The following IFNL3 variants were observed in gnomAD, a reference collection of about 807,000 sequenced individuals.
The protein encoded by IFNL3 is interferon lambda-3.
Under a neutral mutation model 16.3 loss-of-function variants are expected in IFNL3, and 16 were observed. The observed-to-expected ratio is 0.98, with a 90% confidence interval of 0.67 to 1.50. The LOEUF (loss-of-function observed/expected upper bound fraction) is 1.50. Among genes scored for constraint, IFNL3 ranks in the 40% most tolerant of loss-of-function variants. The probability of loss-of-function intolerance (pLI) is 0.00; values close to 1 mark genes in which losing one functional copy is unlikely to be tolerated. For synonymous variants in IFNL3, 115 were observed against 115.3 expected (o/e 1.00, Z 0.02); for missense variants, 254 against 253.5 (o/e 1.00, Z -0.01).
At position 39,243,647 on chromosome 19, in the gene IFNL3, C is replaced by T. The variant is rs2074925223; in HGVS notation, c.576G>A (p.Gly192=). ...GGCGGAAGGGTCAGACACACAGGTC[C>T]CCGCTGGCAACACAATTCAGGTCTC... ...LTRDLNCVAS[G]DLCV The change falls in exon 5 of 5, where the codon GGG becomes GGA. Residue 192 remains glycine, a synonymous_variant. Coordinates refer to ENST00000413851, the MANE Select transcript of IFNL3 (RefSeq NM_172139.4). 2 of 1,600,356 alleles carry T rather than the reference C, an allele frequency of 1.2e-6. No homozygotes were observed. The highest frequency in any genetic ancestry group is 8.5e-7 in the Non-Finnish European group (1 of 1,173,572).
At position 39,244,065 on chromosome 19, in the gene IFNL3, A is replaced by G. The variant is rs573796380; in HGVS notation, c.351T>C (p.Asp117=). The part of the protein sequence containing the change: ...ATADTDPALG[D]VLDQPLHTLH... ...GGGTGTGAAGGGGCTGGTCCAAGAC[A>G]TCCCCCAGGGCTGGGTCAGTGTCAG... The change falls in exon 3 of 5, where the codon GAT becomes GAC. Residue 117 remains aspartate, a synonymous_variant. Transcript: ENST00000413851. 1.6e-4 allele frequency: 255 copies of G among 1,613,834 alleles called. No individual in the cohort carries two copies. In the East Asian group the frequency reaches 2.2e-3, roughly 14 times the overall value.
intron 2 of IFNL3, 83 bp downstream of exon 2, chr19:39,244,334 G>T: frequency 6.6e-7 from 1 of 1,508,704 alleles, no homozygotes; most frequent in Non-Finnish European, 9.0e-7. Context: ...AGGGACAATG[G>T]AGAAGGAGAA....
rs199817522 is a variant in IFNL3, at chr19:39,243,858, T to C, written c.458A>G (p.His153Arg). ...GGCCTCCTGGAGCCGGTGCAGCCAATGGTGGAGGCGGCCCCGGGTCCTGGG... is the reference window on the plus strand; with the variant it reads ...GGCCTCCTGGAGCCGGTGCAGCCAACGGTGGAGGCGGCCCCGGGTCCTGGG... ...AGPRTRGRLH[H>R]WLHRLQEAPK... The change falls in exon 4 of 5, where the codon CAT becomes CGT. Residue 153 changes from histidine to arginine, a missense_variant. Coordinates refer to ENST00000413851, the MANE Select transcript of IFNL3 (RefSeq NM_172139.4). 5.0e-6 allele frequency: 8 copies of C among 1,613,828 alleles called. No homozygotes were observed. The East Asian group carries it at 1.8e-4, about 36-fold the overall frequency.
At position 39,243,651 on chromosome 19, in the gene IFNL3, C is replaced by T; in HGVS notation, c.572G>A (p.Ser191Asn). ...GAAGGGTCAGACACACAGGTCCCCGCTGGCAACACAATTCAGGTCTCGCGT... is the reference window on the plus strand; with the variant it reads ...GAAGGGTCAGACACACAGGTCCCCGTTGGCAACACAATTCAGGTCTCGCGT... Reference protein sequence around the residue: ...LLTRDLNCVASGDLCV With the variant: ...LLTRDLNCVANGDLCV Residue 191 changes from serine (S) to asparagine (N), a missense_variant, in exon 5 of 5, where the codon AGC (serine) becomes AAC (asparagine). Transcript: ENST00000413851. The T allele has an allele frequency of 6.2e-7, 1 of 1,602,064 alleles. No individual in the cohort carries two copies. Among genetic ancestry groups the T allele is most frequent in the Non-Finnish European group, 8.5e-7 (1 of 1,174,468 alleles).
At chr19:39,243,964 G>A (rs375801248) in intron 3 of IFNL3, 44 bp downstream of exon 3, 14 of 1,611,832 alleles carry the variant, frequency 8.7e-6, no homozygotes, top group South Asian at 6.6e-5. Flanking sequence ...GAAGGACGCT[G>A]CTCAGAGCTC....
rs544442278 is a variant in IFNL3 at position 39,243,830 on chromosome 19, T to G, written c.486A>C (p.Pro162=). The change falls in exon 4 of 5, where the codon CCA becomes CCC. Residue 162 remains proline (P), a synonymous_variant. Transcript: ENST00000413851. ...CTCTTCCCGGGTCACTCACCTTTTT[T>G]GGGGCCTCCTGGAGCCGGTGCAGCC... ...HHWLHRLQEA[P]KKESPGCLEA... The G allele has an allele frequency of 5.6e-6, 9 of 1,613,758 alleles. No homozygotes were observed. Among genetic ancestry groups the G allele is most frequent in the East Asian group, 4.5e-5 (2 of 44,882 alleles).
rs756753837 is a variant in IFNL3, at chr19:39,243,876, G to A, written c.440C>T (p.Thr147Ile). Reference sequence around the variant, plus strand: ...CAGCCAATGGTGGAGGCGGCCCCGGGTCCTGGGCCCTGCCGTGGGCTGAGG... The same window carrying A: ...CAGCCAATGGTGGAGGCGGCCCCGGATCCTGGGCCCTGCCGTGGGCTGAGG... ...IQPQPTAGPR[T>I]RGRLHHWLHR... The change falls in exon 4 of 5, where the codon ACC becomes ATC. Residue 147 changes from threonine (T) to isoleucine (I), a missense_variant. Transcript: ENST00000413851. 3.7e-6 allele frequency: 6 copies of A among 1,613,658 alleles called. No individual in the cohort carries two copies. Among genetic ancestry groups the A allele is most frequent in the Non-Finnish European group, 4.2e-6 (5 of 1,179,994 alleles).
chr19:39,244,100 C>G lies in IFNL3; in HGVS notation c.316G>C (p.Glu106Gln). 3 of 1,614,190 alleles carry G rather than the reference C, an allele frequency of 1.9e-6. No homozygotes were observed. Among genetic ancestry groups the G allele is most frequent in the Non-Finnish European group, 2.5e-6 (3 of 1,180,042 alleles). Residue 106 changes from glutamate to glutamine, a missense_variant, in exon 3 of 5, where the codon GAG becomes CAG. Physicochemically the swap from Glu to Gln is conservative, Grantham distance 29. Coordinates refer to ENST00000413851, the MANE Select transcript of IFNL3 (RefSeq NM_172139.4). ...GCTGGGTCAGTGTCAGCGGTGGCCT[C>G]CAGAACCTTCAGCGTCAGGGCCAGC... is the stretch of plus-strand genomic sequence containing the variant. ...AELALTLKVL[E>Q]ATADTDPALG...
rs1399787048 is a variant in IFNL3, at chr19:39,243,645, T to A, written c.578A>T (p.Asp193Val). 1 of 1,598,668 alleles carries A rather than the reference T, an allele frequency of 6.3e-7. No individual in the cohort carries two copies. The highest frequency in any genetic ancestry group is 2.3e-5 in the East Asian group (1 of 44,236). Residue 193 changes from aspartate (D) to valine (V), a missense_variant, in exon 5 of 5, where the codon GAC becomes GTC. By Grantham distance (152) the Asp-to-Val change is radical. Coordinates refer to ENST00000413851, the MANE Select transcript of IFNL3 (RefSeq NM_172139.4). ...CTGGCGGAAGGGTCAGACACACAGG[T>A]CCCCGCTGGCAACACAATTCAGGTC... The part of the protein sequence containing the change: ...TRDLNCVASG[D>V]LCV
At position 39,243,580 on chromosome 19, in the gene IFNL3, C is replaced by A. The variant is rs4803217; in HGVS notation, c.*52G>T. On this transcript the variant is annotated 3_prime_UTR_variant, in exon 5 of 5. Coordinates refer to ENST00000413851, the MANE Select transcript of IFNL3 (RefSeq NM_172139.4). ...AGCGACTGGGTGACAATAAATTAAG[C>A]CAAGTGGCTAATTTATAAATAAAAT... 0.31 allele frequency: 469,424 copies of A among 1,529,100 alleles called. 78,205 individuals carry two copies. The highest frequency in any genetic ancestry group is 0.6 in the African/African-American group (43,612 of 72,542). The allele number at this position is 1,529,100 out of a possible 1,614,324, so 94.7% of individuals were successfully genotyped here.
chr19:39,244,348 G>T, intron 2 of IFNL3, 69 bp downstream of exon 2: 1 of 1,506,036 alleles, frequency 6.6e-7, no homozygotes, highest in East Asian at 2.4e-5. Flanking sequence ...AGGAGAAGGT[G>T]AAGGGGCCAC....
Position 39,244,106 on chromosome 19 carries a change from C to T in IFNL3, c.310G>A (p.Val104Ile). Residue 104 changes from valine (V) to isoleucine (I), a missense_variant, in exon 3 of 5, where the codon GTT becomes ATT. Transcript: ENST00000413851. ...LEAELALTLKVLEATADTDPA... is the reference protein window; with the variant it reads ...LEAELALTLKILEATADTDPA... ...TCAGTGTCAGCGGTGGCCTCCAGAA[C>T]CTTCAGCGTCAGGGCCAGCTCAGCC... 9 of 1,614,202 alleles carry T rather than the reference C, an allele frequency of 5.6e-6. No homozygotes were observed. The highest frequency in any genetic ancestry group is 7.6e-6 in the Non-Finnish European group (9 of 1,180,040).
At chr19:39,243,951 G>C (rs1166061803) in intron 3 of IFNL3, 44 bp from the exon 4 acceptor site, 1 of 1,611,768 alleles carries the variant, frequency 6.2e-7, no homozygotes, top group Non-Finnish European at 8.5e-7. Flanking sequence ...GCCTTGGCCA[G>C]GGGAAGGACG....
chr19:39,244,300 G>T (rs1438054157), intron 2 of IFNL3, 117 bp downstream of exon 2: 3 of 1,473,658 alleles, frequency 2.0e-6, no homozygotes, highest in East Asian at 2.3e-5. Flanking sequence ...GAGGGAAGGG[G>T]TAGCAGGTGT....
Position 39,244,309 on chromosome 19 carries a change from G to C in IFNL3, c.258+108C>G, listed in dbSNP as rs1454986249. ...GGAGCAGAGGGAAGGGGTAGCAGGTGTGGGGAGAGGAGAGAGGGACAATGG... is the reference window on the plus strand; with the variant it reads ...GGAGCAGAGGGAAGGGGTAGCAGGTCTGGGGAGAGGAGAGAGGGACAATGG... On this transcript the variant is annotated intron_variant, in intron 2 of 4. Transcript: ENST00000413851. The C allele has an allele frequency of 7.4e-6, 11 of 1,477,940 alleles. No individual in the cohort carries two copies. In the South Asian group the frequency reaches 1.3e-4, roughly 17 times the overall value. 91.6% of individuals were successfully genotyped at this position (1,477,940 alleles called of 1,614,324 possible).
Position 39,243,652 on chromosome 19 carries a change from T to A in IFNL3, c.571A>T (p.Ser191Cys). The A allele has an allele frequency of 6.2e-7, 1 of 1,602,600 alleles. No individual in the cohort carries two copies. Among genetic ancestry groups the A allele is most frequent in the Non-Finnish European group, 8.5e-7 (1 of 1,174,720 alleles). The change falls in exon 5 of 5, where the codon AGC (serine) becomes TGC (cysteine). Residue 191 changes from serine (S) to cysteine (C), a missense_variant. Physicochemically the swap from Ser to Cys is moderately radical, Grantham distance 112 (BLOSUM62 -1). Coordinates refer to ENST00000413851, the MANE Select transcript of IFNL3 (RefSeq NM_172139.4). ...AAGGGTCAGACACACAGGTCCCCGC[T>A]GGCAACACAATTCAGGTCTCGCGTG... ...LLTRDLNCVA[S>C]GDLCV
In IFNL3 at chr19:39,244,970, C is replaced by A. The variant is rs1440091431; in HGVS notation, c.-3G>T. On this transcript the variant is annotated 5_prime_UTR_variant, in exon 1 of 5. Transcript: ENST00000413851. The stretch of plus-strand genomic sequence containing the variant: ...ACTGGCATGCAGTCCCCGGTCATGT[C>A]TGTGTCACAGAGAGAAAGGGAGCTG... 3 of 1,613,994 alleles carry A rather than the reference C, an allele frequency of 1.9e-6. No individual in the cohort carries two copies. The highest frequency in any genetic ancestry group is 2.5e-6 in the Non-Finnish European group (3 of 1,179,868).
At chr19:39,244,757 G>A in intron 1 of IFNL3, 31 bp downstream of exon 1, 1 of 1,601,800 alleles carries the variant, frequency 6.2e-7, no homozygotes, top group Non-Finnish European at 8.5e-7. Context: ...GTGGAGGCTA[G>A]TCCATGGCAG....
Position 39,244,442 on chromosome 19 carries a change from C to T in IFNL3, c.233G>A (p.Arg78Lys). 6.2e-7 allele frequency: 1 copy of T among 1,612,050 alleles called. No individual in the cohort carries two copies. Among genetic ancestry groups the T allele is most frequent in the South Asian group, 1.1e-5 (1 of 90,820 alleles). ...DCKCRSRLFP[R>K]TWDLRQLQVR... ...CTGCAGCTGCCTCAGGTCCCAGGTC[C>T]TGGGGAAGAGGCGGGAGCGGCACTT... Residue 78 changes from arginine (R) to lysine (K), a missense_variant, in exon 2 of 5, where the codon AGG (arginine) becomes AAG (lysine). Coordinates refer to ENST00000413851, the MANE Select transcript of IFNL3 (RefSeq NM_172139.4).
Sources: allele counts gnomAD v4.1 joint callset, GRCh38; gene constraint gnomAD v4.1.1; transcripts MANE v1.5; gene names NCBI Gene and HGNC (gene_info 2026-07-23, HGNC 2026-07-21).